Variants in IQSEC1 observed in about 807,000 individuals in gnomAD.
IQSEC1 encodes the protein IQ motif and SEC7 domain-containing protein 1.
A neutral mutation model predicts 91.0 loss-of-function variants in IQSEC1; 31 were observed. The observed-to-expected ratio is 0.34, with a 90% confidence interval of 0.26 to 0.46. The LOEUF is 0.46. Ranked by LOEUF, IQSEC1 falls within the 20% of genes least tolerant of loss-of-function variation. The pLI, the probability that IQSEC1 is intolerant of heterozygous loss-of-function variation, is 1.00. For synonymous variants in IQSEC1, 699 were observed against 662.6 expected (o/e 1.05, Z -0.84); for missense variants, 1,388 against 1,575.6 (o/e 0.88, Z 2.02).
rs115482986 is a variant in IQSEC1 at position 13,255,309 on chromosome 3, G to A, written c.272+27402C>T. Among the ~76,000 whole-genome samples, 510 of 152,258 alleles carry A rather than the reference G, an allele frequency of 3.3e-3. 3 individuals carry two copies. Among genetic ancestry groups the A allele is most frequent in the African/African-American group, 0.012 (484 of 41,544 alleles). On this transcript the variant is annotated intron_variant, in intron 1 of 15. Transcript: ENST00000648114. ...TGAGGACGGCTCTGCCTTGTGAGAC[G>A]GAGGTCTGTCCCCTGATCCTGAGGA... is the stretch of plus-strand genomic sequence containing the variant.
intron 2 of IQSEC1, among the ~76,000 whole-genome samples, chr3:13,110,138 C>T (rs1025519382): frequency 6.6e-6 from 1 of 151,670 alleles, no homozygotes; most frequent in African/African-American, 2.4e-5. Context: ...TGCCTTGGCC[C>T]CCCAAAGTGC....
rs1336284691 is a variant in IQSEC1 at position 13,174,918 on chromosome 3, A to C, written c.273-10785T>G. Among the ~76,000 whole-genome samples the C allele has an allele frequency of 2.8e-5, 4 of 141,278 alleles. No homozygotes were observed. The East Asian group carries it at 8.6e-4, about 30-fold the overall frequency. The allele number at this position is 141,278 out of a possible 152,430, so 92.7% of individuals were successfully genotyped here. On this transcript the variant is annotated intron_variant, in intron 1 of 15. Coordinates refer to the IQSEC1 transcript ENST00000648114. ...CCCGGTGTTTCTCACACACAAGGCC[A>C]CTCCTGCCGCAGGGCCCTGGCTCCT...
intron 1 of IQSEC1, among the ~76,000 whole-genome samples, chr3:13,210,617 G>A (rs4684919): frequency 1.3e-5 from 2 of 152,020 alleles, no homozygotes; most frequent in Non-Finnish European, 1.5e-5. Context: ...AGCCAGGCCC[G>A]TGGAAACTGC....
In IQSEC1 at chr3:13,008,001, G is replaced by A. The variant is rs1451340034; in HGVS notation, c.23+64991C>T. ...CTTGCAGCTCTGACCTTCTAAGCCT[G>A]CACTCCTCTAGGAAGCCAGGTGAGA... On this transcript the variant is annotated intron_variant, in intron 1 of 13. Coordinates refer to ENST00000613206, the MANE Select transcript of IQSEC1 (RefSeq NM_001134382.3). The surrounding 1 kb of genome is among the most constrained non-coding windows in gnomAD (Gnocchi z 4.1). Among the ~76,000 whole-genome samples, 2 of 152,208 alleles carry A rather than the reference G, an allele frequency of 1.3e-5. No homozygotes were observed. The highest frequency in any genetic ancestry group is 2.9e-5 in the Non-Finnish European group (2 of 68,034).
intron 1 of IQSEC1, among the ~76,000 whole-genome samples, chr3:13,215,665 G>A (rs1381734936): frequency 6.6e-6 from 1 of 152,200 alleles, no homozygotes; most frequent in Non-Finnish European, 1.5e-5. Flanking sequence ...TGGATGTGTT[G>A]ATGGGGCCCA....
At chr3:12,980,111 C>T (rs1210564071) in intron 1 of IQSEC1, among the ~76,000 whole-genome samples, 2 of 152,182 alleles carry the variant, frequency 1.3e-5, no homozygotes, top group Non-Finnish European at 2.9e-5. Context: ...ACCTTCTGCA[C>T]AGGGCAGGTG....
chr3:12,921,208 A>T (rs1332139051), intron 5 of IQSEC1, among the ~76,000 whole-genome samples: 1 of 152,106 alleles, frequency 6.6e-6, no homozygotes, highest in African/African-American at 2.4e-5. Flanking sequence ...AGAGGCAGGG[A>T]CAGAGTAGAG....
Position 13,073,165 on chromosome 3 carries a change from T to C in IQSEC1, c.-151A>G, listed in dbSNP as rs541206171. On this transcript the variant is annotated 5_prime_UTR_variant, in exon 1 of 14. Transcript: ENST00000613206. Reference sequence around the variant, plus strand: ...CACATTCCCGGGGGTGGCGGGCTCCTCCAGGGAGGCTGGGGCGGGAGCGGG... The same window carrying C: ...CACATTCCCGGGGGTGGCGGGCTCCCCCAGGGAGGCTGGGGCGGGAGCGGG... The C allele has an allele frequency of 1.2e-3, 591 of 507,202 alleles. No individual in the cohort carries two copies. Among genetic ancestry groups the C allele is most frequent in the Non-Finnish European group, 1.6e-3 (463 of 282,526 alleles). The allele number at this position is 507,202 out of a possible 1,614,324, so 31.4% of individuals were successfully genotyped here. A position where few individuals can be genotyped will look rare whatever the true frequency, so the allele number is the denominator to read the frequency against.
chr3:13,228,445 C>T (rs577077238), intron 1 of IQSEC1, among the ~76,000 whole-genome samples: 42 of 152,230 alleles, frequency 2.8e-4, no homozygotes, highest in Non-Finnish European at 2.6e-4. Context: ...TACAGGCAGG[C>T]GTGGTCGGAA....
chr3:12,914,992 C>G, intron 8 of IQSEC1, 112 bp downstream of exon 8: 1 of 1,078,082 alleles, frequency 9.3e-7, no homozygotes, highest in Non-Finnish European at 1.4e-6. Flanking sequence ...GCAATGAACT[C>G]AAGCAGCCAG....
chr3:13,083,072 A>G (rs607829), intron 2 of IQSEC1, among the ~76,000 whole-genome samples: 26,142 of 151,864 alleles, frequency 0.17, 2,473 homozygotes, highest in African/African-American at 0.2. Context: ...TCATGTGACC[A>G]CCTCCCCCAC....
At chr3:13,181,876 T>C (rs1193022261) in intron 1 of IQSEC1, among the ~76,000 whole-genome samples, 2 of 152,266 alleles carry the variant, frequency 1.3e-5, no homozygotes, top group Admixed American at 1.3e-4. Context: ...ATTTAACTTG[T>C]TCATTGTCCA....
At chr3:13,128,309 T>C (rs1352334372) in intron 2 of IQSEC1, among the ~76,000 whole-genome samples, 2 of 152,222 alleles carry the variant, frequency 1.3e-5, no homozygotes, top group Non-Finnish European at 2.9e-5. Flanking sequence ...AGGTTTTTTG[T>C]AGATGTCCTT....
At chr3:13,030,110 C>A (rs1703788476) in intron 1 of IQSEC1, among the ~76,000 whole-genome samples, 1 of 152,064 alleles carries the variant, frequency 6.6e-6, no homozygotes, top group Non-Finnish European at 1.5e-5. Context: ...TGTCTAAAAT[C>A]TTTTTTTTAT....
intron 6 of IQSEC1, among the ~76,000 whole-genome samples, 197 bp downstream of exon 6, chr3:12,920,233 C>T (rs940454234): frequency 6.6e-6 from 1 of 152,236 alleles, no homozygotes; most frequent in African/African-American, 2.4e-5. Flanking sequence ...CAGCCTGTGT[C>T]CCACGGGGGC....
At chr3:13,041,070 T>C (rs1260851998) in intron 1 of IQSEC1, among the ~76,000 whole-genome samples, 1 of 152,192 alleles carries the variant, frequency 6.6e-6, no homozygotes, top group Non-Finnish European at 1.5e-5. Flanking sequence ...TCTGGTTTTA[T>C]TCTGCTCACC....
intron 2 of IQSEC1, among the ~76,000 whole-genome samples, chr3:13,084,129 G>C (rs186967157): frequency 6.6e-6 from 1 of 152,306 alleles, no homozygotes; most frequent in South Asian, 2.1e-4. Flanking sequence ...AAAAAGAAGA[G>C]AACTCAGCTG....
At chr3:13,165,425 G>A (rs1294535753) in intron 1 of IQSEC1, among the ~76,000 whole-genome samples, 1 of 151,144 alleles carries the variant, frequency 6.6e-6, no homozygotes, top group Non-Finnish European at 1.5e-5. Context: ...GATGGGGAGA[G>A]GAGATCCCAG....
At chr3:13,243,173 G>A (rs546133633) in intron 1 of IQSEC1, among the ~76,000 whole-genome samples, 2 of 152,242 alleles carry the variant, frequency 1.3e-5, no homozygotes, top group African/African-American at 2.4e-5. Flanking sequence ...AATTTACACC[G>A]TGCTTGGCCA....
Sources: gnomAD v4.1 joint callset for allele counts (sites outside exome capture counted in the v4.1 genomes callset) on GRCh38, gnomAD v4.1.1 for gene constraint, Gnocchi (gnomAD v3.1) non-coding constraint, MANE v1.5 for transcripts, NCBI Gene and HGNC (gene_info 2026-07-23, HGNC 2026-07-21) for gene names.